PTPRT: variants seen among roughly 807,000 people sequenced by gnomAD.
PTPRT encodes the protein protein tyrosine phosphatase receptor type T.
In PTPRT, 56 loss-of-function variants were observed where a neutral mutation model predicts 176.8. The ratio of observed to expected loss-of-function variants is 0.32; its 90% CI spans 0.26 to 0.40. The LOEUF (loss-of-function observed/expected upper bound fraction) is 0.40, where lower values mean the gene tolerates loss of function less well. Among genes scored for constraint, PTPRT ranks in the 10% least tolerant of loss-of-function variants. The pLI is 1.00. For synonymous variants in PTPRT, 783 were observed against 739.0 expected (o/e 1.06, Z -0.96); for missense variants, 1,540 against 1,908.2 (o/e 0.81, Z 3.60).
At chr20:42,646,740 T>C (rs1482918624) in intron 7 of PTPRT, among the ~76,000 whole-genome samples, 1 of 151,854 alleles carries the variant, frequency 6.6e-6, no homozygotes, top group Admixed American at 6.6e-5. Flanking sequence ...TGGGTAAAAC[T>C]AAGGGGATAC....
At chr20:42,192,444 C>A (rs1461763657) in intron 16 of PTPRT, among the ~76,000 whole-genome samples, 1 of 152,212 alleles carries the variant, frequency 6.6e-6, no homozygotes, top group Non-Finnish European at 1.5e-5. Context: ...CTCTACTGAA[C>A]CATCCCAAGG....
intron 1 of PTPRT, among the ~76,000 whole-genome samples, chr20:42,978,909 T>C (rs1165882048): frequency 1.3e-5 from 2 of 152,196 alleles, no homozygotes; most frequent in African/African-American, 4.8e-5. Context: ...CCAGCAGCCC[T>C]TCGGCTGCTC....
At chr20:42,437,247 G>T (rs1290660740) in intron 9 of PTPRT, among the ~76,000 whole-genome samples, 2 of 152,170 alleles carry the variant, frequency 1.3e-5, no homozygotes, top group Non-Finnish European at 2.9e-5. Flanking sequence ...CATGAAACTA[G>T]GAGTGAGATT....
intron 7 of PTPRT, among the ~76,000 whole-genome samples, chr20:42,636,082 T>A (rs2074591915): frequency 6.6e-6 from 1 of 152,128 alleles, no homozygotes; most frequent in Non-Finnish European, 1.5e-5. Context: ...TGAATAATAT[T>A]AGGCTACAGT....
chr20:42,762,183 T>C (rs952350214), intron 5 of PTPRT, among the ~76,000 whole-genome samples: 6 of 152,232 alleles, frequency 3.9e-5, no homozygotes, highest in Non-Finnish European at 8.8e-5. Flanking sequence ...AATATATTAT[T>C]AAGTTATGGC....
At chr20:42,053,886 T>C in the PTPRT span, among the ~76,000 whole-genome samples, 2 of 152,176 alleles carry the variant, frequency 1.3e-5, no homozygotes, top group Admixed American at 1.3e-4. Flanking sequence ...ATTCATACGG[T>C]GATGTACGAA....
intron 18 of PTPRT, among the ~76,000 whole-genome samples, chr20:42,133,752 T>C (rs1040166549): frequency 6.6e-6 from 1 of 152,194 alleles, no homozygotes; most frequent in Admixed American, 6.5e-5. Context: ...TAATGCAAGA[T>C]GTTAATAATA....
chr20:43,163,421 G>C (rs139887669), intron 1 of PTPRT, among the ~76,000 whole-genome samples: 14 of 152,190 alleles, frequency 9.2e-5, no homozygotes. Context: ...GGCAAATCAC[G>C]AGGTCACGAG....
At chr20:42,771,602 A>AATAGGGAAGTGGTG in intron 4 of PTPRT, 52 bp from the exon 5 acceptor site, 1 of 1,476,914 alleles carries the variant, frequency 6.8e-7, no homozygotes, top group Non-Finnish European at 9.5e-7. Flanking sequence ...AGCCTGCACC[A>AATAGGGAAGTGGTG]CTTCCCTATT....
intron 9 of PTPRT, among the ~76,000 whole-genome samples, chr20:42,430,383 T>C (rs2059205245): frequency 6.6e-6 from 1 of 152,122 alleles, no homozygotes; most frequent in South Asian, 2.1e-4. Context: ...AACCTGGGGA[T>C]CTTGTAACAG....
chr20:42,515,860 T>C (rs1795844217), intron 7 of PTPRT, among the ~76,000 whole-genome samples: 1 of 149,678 alleles, frequency 6.7e-6, no homozygotes, highest in Admixed American at 6.7e-5. Context: ...AACCCAAATG[T>C]CCAACAATGA....
chr20:42,114,649 T>A (rs781432325), intron 22 of PTPRT, among the ~76,000 whole-genome samples: 1 of 152,160 alleles, frequency 6.6e-6, no homozygotes, highest in Non-Finnish European at 1.5e-5. Flanking sequence ...ACCCACTAGG[T>A]GCCAGTACCA....
At chr20:42,662,009 A>T (rs1415875205) in intron 7 of PTPRT, among the ~76,000 whole-genome samples, 1 of 152,172 alleles carries the variant, frequency 6.6e-6, no homozygotes, top group African/African-American at 2.4e-5. Flanking sequence ...TGATAGAGTG[A>T]GCTTTGTGAA....
At chr20:43,031,984 T>C (rs953316819) in intron 1 of PTPRT, among the ~76,000 whole-genome samples, 1 of 152,110 alleles carries the variant, frequency 6.6e-6, no homozygotes, top group Non-Finnish European at 1.5e-5. Flanking sequence ...GGGAGCTCAG[T>C]GAAGACTGGG....
At chr20:42,634,044 TATATATATTATAA>T (rs2074523616) in intron 7 of PTPRT, among the ~76,000 whole-genome samples, 3 of 29,710 alleles carry the variant, frequency 1.0e-4, no homozygotes, top group Non-Finnish European at 1.6e-4. Flanking sequence ...ATATATATTA[TATATATATTATAA>T]ATATATAATA....
rs200094311 is a variant in PTPRT, at chr20:42,472,477, C to T, written c.1239G>A (p.Ala413=). 10 of 1,614,214 alleles carry T rather than the reference C, an allele frequency of 6.2e-6. No individual in the cohort carries two copies. Among genetic ancestry groups the T allele is most frequent in the African/African-American group, 4.0e-5 (3 of 75,066 alleles). Residue 413 remains alanine (A), a synonymous_variant, in exon 8 of 31, where the codon GCG becomes GCA. Coordinates refer to ENST00000373187, the MANE Select transcript of PTPRT (RefSeq NM_007050.6). The part of the protein sequence containing the change: ...LTLQWEPFGY[A]VTRCHSYNLT... Reference sequence around the variant, plus strand: ...GGTTGTAGCTATGGCAGCGGGTCACCGCGTAGCCGAAGGGCTCCCACTGCA... The same window carrying T: ...GGTTGTAGCTATGGCAGCGGGTCACTGCGTAGCCGAAGGGCTCCCACTGCA...
Position 42,352,304 on chromosome 20 carries a change from A to C in PTPRT, c.1561-19T>G, listed in dbSNP as rs1022570181. 6.2e-7 allele frequency: 1 copy of C among 1,611,834 alleles called. No homozygotes were observed. Among genetic ancestry groups the C allele is most frequent in the African/African-American group, 1.3e-5 (1 of 74,852 alleles). On this transcript the variant is annotated intron_variant, in intron 9 of 30. Transcript: ENST00000373187. Reference sequence around the variant, plus strand: ...AGTTGATCTGTAGGACAAGCCAGCAAACAAACAAACAAATAAATGCCTCAC... The same window carrying C: ...AGTTGATCTGTAGGACAAGCCAGCACACAAACAAACAAATAAATGCCTCAC...
At chr20:43,071,909 C>G (rs1350593299) in intron 1 of PTPRT, among the ~76,000 whole-genome samples, 1 of 152,228 alleles carries the variant, frequency 6.6e-6, no homozygotes, top group Admixed American at 6.5e-5. Context: ...GAGCTGCTGC[C>G]CCACTTAAAC....
At chr20:42,928,497 C>T (rs1229332511) in intron 1 of PTPRT, among the ~76,000 whole-genome samples, 7 of 152,162 alleles carry the variant, frequency 4.6e-5, no homozygotes, top group Non-Finnish European at 1.5e-5. Context: ...TGCCACAGAA[C>T]ATGTGTGTCT....
Sources: allele counts gnomAD v4.1 joint callset (sites outside exome capture counted in the v4.1 genomes callset), GRCh38; gene constraint gnomAD v4.1.1; transcripts MANE v1.5; gene names NCBI Gene and HGNC (gene_info 2026-07-23, HGNC 2026-07-21).